Variants in WWOX observed in about 807,000 individuals in gnomAD.
The protein encoded by WWOX is WW domain containing oxidoreductase.
WWOX carries 69 observed loss-of-function variants against 46.2 expected under a neutral mutation model. The observed-to-expected ratio is 1.49, with a 90% confidence interval of 1.23 to 1.82. WWOX has a LOEUF of 1.82. Among genes scored for constraint, WWOX ranks in the 40% most tolerant of loss-of-function variants. WWOX has a pLI of 0.00. For synonymous variants in WWOX, 359 were observed against 202.6 expected, an observed-to-expected ratio of 1.77 and a Z score of -6.56; for missense variants, 919 against 542.6, an observed-to-expected ratio of 1.69 and a Z score of -6.89.
chr16:79,015,135 G>A (rs1401614675), intron 8 of WWOX, among the ~76,000 whole-genome samples: 1 of 152,210 alleles, frequency 6.6e-6, no homozygotes, highest in Non-Finnish European at 1.5e-5. Flanking sequence ...CCTGTGATTT[G>A]CCATTGGGTT....
At chr16:78,998,350 T>C (rs1567471471) in intron 8 of WWOX, among the ~76,000 whole-genome samples, 1 of 152,200 alleles carries the variant, frequency 6.6e-6, no homozygotes, top group Non-Finnish European at 1.5e-5. Flanking sequence ...GTGAAGGGTC[T>C]GTGGGTTTTC....
chr16:78,967,481 T>TC (rs1555504725), intron 8 of WWOX, among the ~76,000 whole-genome samples: 2 of 127,088 alleles, frequency 1.6e-5, no homozygotes, highest in Non-Finnish European at 3.5e-5. Flanking sequence ...TTTTTTTTTT[T>TC]CCTGCTGAGA....
chr16:78,421,268 T>G (rs1189218300), intron 6 of WWOX, among the ~76,000 whole-genome samples: 2 of 152,196 alleles, frequency 1.3e-5, no homozygotes, highest in South Asian at 2.1e-4. Flanking sequence ...TGGCTCCTTC[T>G]GGAGGCTGGA....
chr16:78,598,286 A>G (rs1452132615), intron 8 of WWOX, among the ~76,000 whole-genome samples: 1 of 152,230 alleles, frequency 6.6e-6, no homozygotes, highest in Non-Finnish European at 1.5e-5. Flanking sequence ...TGTTAGGTTT[A>G]ATAAACGGAT....
chr16:78,798,618 C>T (rs1445291206), intron 8 of WWOX, among the ~76,000 whole-genome samples: 1 of 146,062 alleles, frequency 6.8e-6, no homozygotes, highest in African/African-American at 2.6e-5. Context: ...AAGAGATTTA[C>T]AGTGATCTTT....
At chr16:79,089,257 G>A (rs1415678513) in intron 8 of WWOX, among the ~76,000 whole-genome samples, 1 of 151,458 alleles carries the variant, frequency 6.6e-6, no homozygotes, top group Non-Finnish European at 1.5e-5. Context: ...TTTTTGTAAT[G>A]ATTAGAATAT....
At chr16:78,491,860 C>T (rs951480420) in intron 8 of WWOX, among the ~76,000 whole-genome samples, 6 of 152,160 alleles carry the variant, frequency 3.9e-5, no homozygotes, top group African/African-American at 1.4e-4. Context: ...CCAAGACTCC[C>T]CTTTACACAT....
At chr16:78,242,994 G>T (rs1044525794) in intron 5 of WWOX, among the ~76,000 whole-genome samples, 2 of 151,948 alleles carry the variant, frequency 1.3e-5, no homozygotes, top group Non-Finnish European at 2.9e-5. Context: ...GGCAACAGAG[G>T]GAGACTGTCT....
At chr16:78,732,442 C>T (rs2048991621) in intron 8 of WWOX, among the ~76,000 whole-genome samples, 1 of 152,118 alleles carries the variant, frequency 6.6e-6, no homozygotes, top group Admixed American at 6.6e-5. Context: ...AACAACTGAG[C>T]CCTCAGATGA....
chr16:78,739,733 C>T (rs562778790), intron 8 of WWOX, among the ~76,000 whole-genome samples: 107 of 152,200 alleles, frequency 7.0e-4, no homozygotes, highest in Middle Eastern at 3.4e-3. Context: ...ATCGCTTGAA[C>T]CCAGGAGGCG....
At chr16:78,643,205 C>G (rs1479839586) in intron 8 of WWOX, among the ~76,000 whole-genome samples, 1 of 152,158 alleles carries the variant, frequency 6.6e-6, no homozygotes, top group Non-Finnish European at 1.5e-5. Context: ...CTCTTAATGT[C>G]TAAGAAGTCA....
intron 5 of WWOX, among the ~76,000 whole-genome samples, chr16:78,267,778 GATT>G: frequency 6.6e-6 from 1 of 152,124 alleles, no homozygotes; most frequent in East Asian, 1.9e-4. Flanking sequence ...TTGATTGATT[GATT>G]GATTGTGAGG....
At position 78,797,303 on chromosome 16, in the gene WWOX, C is replaced by A. The variant is rs186231511; in HGVS notation, c.1056+364551C>A. ...CAAATAAGAACACATAATTACAAGA[C>A]TGTATTGTATAATCATGCAGGACAC... is the stretch of plus-strand genomic sequence containing the variant. On this transcript the variant is annotated intron_variant, in intron 8 of 8. Transcript: ENST00000566780. Among the ~76,000 whole-genome samples the A allele has an allele frequency of 1.8e-4, 25 of 136,086 alleles. No homozygotes were observed. In the East Asian group the frequency reaches 5.0e-3, roughly 27 times the overall value. The allele number at this position is 136,086 out of a possible 152,430, so 89.3% of individuals were successfully genotyped here. A position where few individuals can be genotyped will look rare whatever the true frequency, so the allele number is the denominator to read the frequency against.
intron 8 of WWOX, among the ~76,000 whole-genome samples, chr16:79,050,842 ACTT>A (rs772355693): frequency 6.6e-6 from 1 of 152,090 alleles, no homozygotes; most frequent in Non-Finnish European, 1.5e-5. Flanking sequence ...GAATTGTTAA[ACTT>A]CTTGCACTGA....
At chr16:78,837,889 A>T (rs1030668543) in intron 8 of WWOX, among the ~76,000 whole-genome samples, 1 of 152,178 alleles carries the variant, frequency 6.6e-6, no homozygotes. Context: ...TATTGTCCCC[A>T]TTTTACAGAT....
intron 8 of WWOX, among the ~76,000 whole-genome samples, chr16:78,657,049 G>T (rs1451658841): frequency 1.3e-5 from 2 of 152,292 alleles, no homozygotes; most frequent in Non-Finnish European, 2.9e-5. Flanking sequence ...GCAGCCCCTT[G>T]TAGGGCTTTC....
At position 79,134,064 on chromosome 16, in the gene WWOX, G is replaced by C. The variant is rs2049935614; in HGVS notation, c.1057-77544G>C. ...CTTCCTGCTATGGCCATAGAGGTTTGGTTGTCACTATGAAGAATGGGCCTG... is the reference window on the plus strand; with the variant it reads ...CTTCCTGCTATGGCCATAGAGGTTTCGTTGTCACTATGAAGAATGGGCCTG... On this transcript the variant is annotated intron_variant, in intron 8 of 8. Transcript: ENST00000566780. 2.0e-5 allele frequency among the ~76,000 whole-genome samples: 3 copies of C among 151,990 alleles called. No individual in the cohort carries two copies. The South Asian group carries it at 6.2e-4, about 32-fold the overall frequency.
chr16:79,059,653 C>G (rs1010692951), intron 8 of WWOX, among the ~76,000 whole-genome samples: 2 of 152,128 alleles, frequency 1.3e-5, no homozygotes, highest in African/African-American at 2.4e-5. Context: ...TGCCACCATG[C>G]CCGGCTAATT....
chr16:78,943,777 A>G lies in WWOX; in HGVS notation c.1057-267831A>G, dbSNP rs564899426. 2.6e-5 allele frequency among the ~76,000 whole-genome samples: 4 copies of G among 152,202 alleles called. No homozygotes were observed. The East Asian group carries it at 5.8e-4, about 22-fold the overall frequency. On this transcript the variant is annotated intron_variant, in intron 8 of 8. Transcript: ENST00000566780. Reference sequence around the variant, plus strand: ...CCTGCAACTCCTTCTGGATCCCACAATTTGAAGGGGAAATCTTTCCCACCG... The same window carrying G: ...CCTGCAACTCCTTCTGGATCCCACAGTTTGAAGGGGAAATCTTTCCCACCG...
Sources: allele counts gnomAD v4.1 joint callset (sites outside exome capture counted in the v4.1 genomes callset), GRCh38; gene constraint gnomAD v4.1.1; transcripts MANE v1.5; gene names NCBI Gene and HGNC (gene_info 2026-07-23, HGNC 2026-07-21).